Variants in MET observed in about 807,000 individuals in gnomAD.
MET encodes MET proto-oncogene, receptor tyrosine kinase.
A neutral mutation model predicts 133.1 loss-of-function variants in MET; 48 were observed. The ratio of observed to expected loss-of-function variants is 0.36; its 90% CI spans 0.29 to 0.46. The LOEUF is 0.46. Ranked by LOEUF, MET falls within the 20% of genes least tolerant of loss-of-function variation. The pLI is 1.00. For synonymous variants in MET, 628 were observed against 616.5 expected, an observed-to-expected ratio of 1.02 and a Z score of -0.28; for missense variants, 1,442 against 1,695.9, an observed-to-expected ratio of 0.85 and a Z score of 2.63.
At chr7:116,794,102 T>C (rs1795600266) in intron 19 of MET, among the ~76,000 whole-genome samples, 2 of 152,128 alleles carry the variant, frequency 1.3e-5, no homozygotes, top group Admixed American at 1.3e-4. Flanking sequence ...TTGGCAACCT[T>C]TGTACCTCTT....
At chr7:116,689,840 G>A (rs747015667) in intron 1 of MET, among the ~76,000 whole-genome samples, 5 of 152,176 alleles carry the variant, frequency 3.3e-5, no homozygotes, top group East Asian at 1.9e-4. Flanking sequence ...GATTGCTGGC[G>A]TGAGTCACAG....
intron 2 of MET, chr7:116,724,866 G>T: frequency 2.3e-6 from 3 of 1,284,900 alleles, no homozygotes; most frequent in Non-Finnish European, 3.0e-6. Flanking sequence ...AACACTCAGT[G>T]CCTCAGTTTC....
chr7:116,728,122 C>T (rs1792863116), intron 2 of MET, among the ~76,000 whole-genome samples: 1 of 152,164 alleles, frequency 6.6e-6, no homozygotes, highest in Non-Finnish European at 1.5e-5. Context: ...ACCTCTTCTG[C>T]AGATCTCAGC....
At chr7:116,715,240 C>T (rs1184518741) in intron 2 of MET, among the ~76,000 whole-genome samples, 1 of 152,198 alleles carries the variant, frequency 6.6e-6, no homozygotes, top group African/African-American at 2.4e-5. Context: ...AGAAATTTAT[C>T]CTCACATGGT....
chr7:116,783,011 A>G lies in MET; in HGVS notation c.3633-293A>G, dbSNP rs149593751. 2.2e-3 allele frequency among the ~76,000 whole-genome samples: 329 copies of G among 152,270 alleles called. 3 individuals carry two copies. The highest frequency in any genetic ancestry group is 7.6e-3 in the African/African-American group (314 of 41,522). On this transcript the variant is annotated intron_variant, in intron 18 of 20. Coordinates refer to ENST00000397752, the MANE Select transcript of MET (RefSeq NM_000245.4). ...CATTTAGCAACCAAAGTAAACCCAC[A>G]GGGGAGACAGCCTTACTACTGCAGA...
At chr7:116,692,369 C>G (rs1326427443) in intron 1 of MET, among the ~76,000 whole-genome samples, 1 of 152,206 alleles carries the variant, frequency 6.6e-6, no homozygotes, top group African/African-American at 2.4e-5. Flanking sequence ...TAGAAAGTCT[C>G]TCTCTTAAGA....
intron 2 of MET, among the ~76,000 whole-genome samples, chr7:116,702,078 C>T (rs1318399253): frequency 6.6e-6 from 1 of 152,018 alleles, no homozygotes; most frequent in Admixed American, 6.5e-5. Flanking sequence ...TTTATCCTAC[C>T]CTTTTGACTT....
rs863224696 is a variant in MET, at chr7:116,699,606, C to T, written c.522C>T (p.Asp174=). ...TAGAAGAGCCCAGCCAGTGTCCTGA[C>T]TGTGTGGTGAGCGCCCTGGGAGCCA... ...PQIEEPSQCP[D]CVVSALGAKV... Residue 174 remains aspartate, a synonymous_variant, in exon 2 of 21, where the codon GAC becomes GAT. Transcript: ENST00000397752. 1 of 1,613,904 alleles carries T rather than the reference C, an allele frequency of 6.2e-7. No homozygotes were observed. The highest frequency in any genetic ancestry group is 1.3e-5 in the African/African-American group (1 of 74,908).
chr7:116,733,381 C>G (rs1181735770), intron 3 of MET, among the ~76,000 whole-genome samples: 1 of 151,602 alleles, frequency 6.6e-6, no homozygotes, highest in African/African-American at 2.4e-5. Context: ...CATTACCTCA[C>G]CAATCCAGTT....
intron 12 of MET, among the ~76,000 whole-genome samples, chr7:116,770,888 A>G (rs1794809283): frequency 6.6e-6 from 1 of 152,216 alleles, no homozygotes; most frequent in African/African-American, 2.4e-5. Context: ...AAAAACACAC[A>G]AAAATTAGAA....
intron 5 of MET, among the ~76,000 whole-genome samples, chr7:116,754,520 T>C (rs2116898793): frequency 6.6e-6 from 1 of 152,156 alleles, no homozygotes; most frequent in East Asian, 1.9e-4. Flanking sequence ...ATGAATTCAC[T>C]TCAGAATGGC....
intron 5 of MET, among the ~76,000 whole-genome samples, chr7:116,745,101 G>A (rs1163026316): frequency 6.6e-6 from 1 of 152,176 alleles, no homozygotes; most frequent in Non-Finnish European, 1.5e-5. Flanking sequence ...CAAATTCAAT[G>A]TGCAAAAATC....
At chr7:116,772,420 A>G (rs937624021) in intron 14 of MET, among the ~76,000 whole-genome samples, 1 of 152,204 alleles carries the variant, frequency 6.6e-6, no homozygotes, top group Admixed American at 6.5e-5. Context: ...TTTTCAATGA[A>G]CTGTTAGTAC....
chr7:116,679,029 A>T (rs955261936), intron 1 of MET, among the ~76,000 whole-genome samples: 1 of 152,194 alleles, frequency 6.6e-6, no homozygotes, highest in Non-Finnish European at 1.5e-5. Flanking sequence ...TGCAATGTGA[A>T]AATTTTAAGC....
intron 11 of MET, among the ~76,000 whole-genome samples, chr7:116,764,843 G>A (rs1437485082): frequency 6.6e-6 from 1 of 152,168 alleles, no homozygotes; most frequent in Non-Finnish European, 1.5e-5. Flanking sequence ...TAGTAATCTA[G>A]TGGGAGCAGT....
chr7:116,744,778 G>T (rs934003531), intron 5 of MET, among the ~76,000 whole-genome samples: 13 of 151,980 alleles, frequency 8.6e-5, no homozygotes, highest in Non-Finnish European at 1.2e-4. Flanking sequence ...AAATGTTAAG[G>T]GCAGCCGGAG....
chr7:116,704,579 T>C (rs187607500), intron 2 of MET, among the ~76,000 whole-genome samples: 1 of 152,266 alleles, frequency 6.6e-6, no homozygotes, highest in African/African-American at 2.4e-5. Flanking sequence ...CTTCCCTCTC[T>C]AACTGTTATG....
At chr7:116,782,356 C>T (rs570936347) in intron 18 of MET, among the ~76,000 whole-genome samples, 1 of 152,276 alleles carries the variant, frequency 6.6e-6, no homozygotes, top group East Asian at 1.9e-4. Context: ...TCCTTCCCTC[C>T]AGTAGCTCTC....
In MET at chr7:116,699,923, G is replaced by T. The variant is rs770528254; in HGVS notation, c.839G>T (p.Arg280Met). The T allele has an allele frequency of 2.5e-6, 4 of 1,614,086 alleles. No homozygotes were observed. The highest frequency in any genetic ancestry group is 3.4e-6 in the Non-Finnish European group (4 of 1,179,980). ...DAQTFHTRII[R>M]FCSINSGLHS... ...CAGACTTTTCACACAAGAATAATCA[G>T]GTTCTGTTCCATAAACTCTGGATTG... is the stretch of plus-strand genomic sequence containing the variant. Residue 280 changes from arginine to methionine, a missense_variant, in exon 2 of 21, where the codon AGG becomes ATG. Around this residue, in one of 6 missense-constraint regions of MET, gnomAD observed 762 missense variants for 792.4 expected, o/e 0.96. Transcript: ENST00000397752.
Sources: gnomAD v4.1 joint callset for allele counts (sites outside exome capture counted in the v4.1 genomes callset) on GRCh38, gnomAD v4.1.1 for gene constraint, gnomAD v4.1.1 regional missense constraint, MANE v1.5 for transcripts, NCBI Gene and HGNC (gene_info 2026-07-23, HGNC 2026-07-21) for gene names.